Variants in EPB41L4A observed in about 807,000 individuals in gnomAD.
The protein encoded by EPB41L4A is band 4.1-like protein 4A.
A neutral mutation model predicts 108.6 loss-of-function variants in EPB41L4A; 100 were observed. The observed-to-expected ratio is 0.92, with a 90% CI of 0.78 to 1.09. The LOEUF (loss-of-function observed/expected upper bound fraction) is 1.09, where lower values mean the gene tolerates loss of function less well. Among genes scored for constraint, EPB41L4A ranks in the 50% least tolerant of loss-of-function variants. EPB41L4A has a pLI of 0.00. For synonymous variants in EPB41L4A, 319 were observed against 289.0 expected, an observed-to-expected ratio of 1.10 and a Z score of -1.05; for missense variants, 1,030 against 842.7, an observed-to-expected ratio of 1.22 and a Z score of -2.75.
intron 12 of EPB41L4A, among the ~76,000 whole-genome samples, chr5:112,231,540 C>T (rs1748927014): frequency 6.6e-6 from 1 of 151,092 alleles, no homozygotes; most frequent in Admixed American, 6.6e-5. Context: ...AATCCCAGCA[C>T]TTTGGGAGGC....
At chr5:112,180,378 T>C (rs148753436) in intron 18 of EPB41L4A, among the ~76,000 whole-genome samples, 310 of 152,176 alleles carry the variant, frequency 2.0e-3, no homozygotes, top group African/African-American at 7.2e-3. Flanking sequence ...GGCTTAGGGA[T>C]AGACAAATAG....
At chr5:112,245,406 A>G (rs1455624519) in intron 9 of EPB41L4A, among the ~76,000 whole-genome samples, 1 of 152,232 alleles carries the variant, frequency 6.6e-6, no homozygotes, top group African/African-American at 2.4e-5. Flanking sequence ...GAATATTTAT[A>G]TGTATAAAAT....
intron 18 of EPB41L4A, among the ~76,000 whole-genome samples, chr5:112,180,016 T>G (rs1379617603): frequency 6.6e-6 from 1 of 152,154 alleles, no homozygotes; most frequent in African/African-American, 2.4e-5. Flanking sequence ...TTTGTTCTTC[T>G]ATATACTAAA....
rs1390811133 is a variant in EPB41L4A, at chr5:112,314,522, AAAAAAAAAAAAAAAAAG to A, written c.100-7049_100-7033del. 1.6e-3 allele frequency among the ~76,000 whole-genome samples: 202 copies of A among 130,090 alleles called. 1 individual carries two copies. The highest frequency in any genetic ancestry group is 5.1e-3 in the African/African-American group (193 of 37,838). The allele number at this position is 130,090 out of a possible 152,430, so 85.3% of individuals were successfully genotyped here. ...ATCGCTACTAAAAAAAAAAAAAAAAAAAAAAAAAAAAAAAAAGAAAAGAAATTAGCCAAGCATGATGG... is the reference window on the plus strand; with the variant it reads ...ATCGCTACTAAAAAAAAAAAAAAAAAAAAAGAAATTAGCCAAGCATGATGG... On this transcript the variant is annotated intron_variant, in intron 1 of 22. Coordinates refer to ENST00000261486, the MANE Select transcript of EPB41L4A (RefSeq NM_022140.5).
chr5:112,193,986 T>C (rs1761836437), intron 17 of EPB41L4A, among the ~76,000 whole-genome samples: 1 of 152,192 alleles, frequency 6.6e-6, no homozygotes, highest in Non-Finnish European at 1.5e-5. Context: ...TTCGAGTGCA[T>C]ATTTTGGAAC....
At chr5:112,172,633 C>T (rs1377558145) in intron 18 of EPB41L4A, among the ~76,000 whole-genome samples, 1 of 152,000 alleles carries the variant, frequency 6.6e-6, no homozygotes, top group Non-Finnish European at 1.5e-5. Context: ...ATATGTTAAC[C>T]CCATTAAATG....
intron 9 of EPB41L4A, among the ~76,000 whole-genome samples, chr5:112,247,701 G>A (rs902237338): frequency 2.0e-5 from 3 of 152,146 alleles, no homozygotes; most frequent in East Asian, 1.9e-4. Flanking sequence ...TGATGGAATT[G>A]GGGGTTTGAG....
intron 1 of EPB41L4A, among the ~76,000 whole-genome samples, chr5:112,408,123 A>AT (rs1353760514): frequency 1.1e-4 from 16 of 152,070 alleles, no homozygotes; most frequent in Middle Eastern, 3.2e-3. Flanking sequence ...TTTTTAATTG[A>AT]TTTTTTTTAT....
At chr5:112,146,057 G>C (rs1409982980) in intron 12 of EPB41L4A, 1 of 450,566 alleles carries the variant, frequency 2.2e-6, no homozygotes, top group Non-Finnish European at 4.5e-6. Context: ...TTCTCATGAA[G>C]TAGGTGCTAC....
At chr5:112,212,874 G>C (rs1230388716) in intron 12 of EPB41L4A, among the ~76,000 whole-genome samples, 2 of 152,100 alleles carry the variant, frequency 1.3e-5, no homozygotes, top group Admixed American at 6.5e-5. Flanking sequence ...ATTCTCTTTA[G>C]ACTGACTACT....
intron 12 of EPB41L4A, among the ~76,000 whole-genome samples, chr5:112,233,351 G>C (rs186986179): frequency 6.6e-6 from 1 of 152,356 alleles, no homozygotes; most frequent in East Asian, 1.9e-4. Context: ...ACACTTATCA[G>C]AGAAATGCCC....
chr5:112,161,633 C>A (rs2290990), downstream of EPB41L4A: 121,122 of 518,494 alleles, frequency 0.23, 16,012 homozygotes, highest in African/African-American at 0.44. Context: ...TTTTACGTTT[C>A]CACGCGTGAT....
chr5:112,155,741 A>C (rs2112818841), intron 12 of EPB41L4A, among the ~76,000 whole-genome samples: 1 of 152,310 alleles, frequency 6.6e-6, no homozygotes. Flanking sequence ...ATTTGTCAAC[A>C]ACTATATTAT....
intron 14 of EPB41L4A, among the ~76,000 whole-genome samples, chr5:112,205,053 C>G (rs1330013375): frequency 1.3e-5 from 2 of 152,198 alleles, no homozygotes; most frequent in African/African-American, 4.8e-5. Flanking sequence ...TAAAGGTCTT[C>G]CAGCATAACT....
At chr5:112,223,937 G>C (rs1336064540) in intron 12 of EPB41L4A, among the ~76,000 whole-genome samples, 1 of 151,708 alleles carries the variant, frequency 6.6e-6, no homozygotes, top group African/African-American at 2.4e-5. Flanking sequence ...TTGTCAATAA[G>C]AGTTTCATTT....
intron 12 of EPB41L4A, among the ~76,000 whole-genome samples, chr5:112,215,577 A>ACG (rs1345180895): frequency 1.3e-5 from 2 of 151,910 alleles, no homozygotes; most frequent in African/African-American, 2.4e-5. Context: ...TCTGGTTAAC[A>ACG]ATGGTGAAAC....
At chr5:112,298,646 CTT>C (rs1754164470) in intron 2 of EPB41L4A, among the ~76,000 whole-genome samples, 1 of 151,874 alleles carries the variant, frequency 6.6e-6, no homozygotes, top group South Asian at 2.1e-4. Context: ...CTGTAGTTTT[CTT>C]TGTTATACTG....
At chr5:112,179,087 G>A (rs1410572501) in intron 18 of EPB41L4A, among the ~76,000 whole-genome samples, 4 of 151,944 alleles carry the variant, frequency 2.6e-5, no homozygotes, top group African/African-American at 9.7e-5. Context: ...AATTTTTGCT[G>A]AAAGATTTGA....
intron 20 of EPB41L4A, among the ~76,000 whole-genome samples, chr5:112,169,511 G>A (rs577914643): frequency 7.9e-5 from 12 of 152,082 alleles, no homozygotes; most frequent in African/African-American, 2.9e-4. Context: ...GTCTTTACTT[G>A]AAAATTGCTA....
Sources: gnomAD v4.1 joint callset for allele counts (sites outside exome capture counted in the v4.1 genomes callset) on GRCh38, gnomAD v4.1.1 for gene constraint, MANE v1.5 for transcripts, NCBI Gene and HGNC (gene_info 2026-07-23, HGNC 2026-07-21) for gene names.